Variants in VAV1 observed in about 807,000 individuals in gnomAD.
VAV1 encodes proto-oncogene vav.
In VAV1, 33 loss-of-function variants were observed where a neutral mutation model predicts 128.1. The observed-to-expected ratio is 0.26, with a 90% CI of 0.20 to 0.34. VAV1 has a LOEUF of 0.34. Among genes scored for constraint, VAV1 ranks in the 10% least tolerant of loss-of-function variants. The pLI, the probability that VAV1 is intolerant of heterozygous loss-of-function variation, is 1.00. For synonymous variants in VAV1, 394 were observed against 409.8 expected (o/e 0.96, Z 0.47); for missense variants, 715 against 1,093.7 (o/e 0.65, Z 4.88).
At chr19:6,830,133 A>G (rs1042378479) in intron 14 of VAV1, among the ~76,000 whole-genome samples, 1 of 152,192 alleles carries the variant, frequency 6.6e-6, no homozygotes, top group Non-Finnish European at 1.5e-5. Context: ...ATCTCGGCTC[A>G]CCGCAACCTC....
At chr19:6,798,215 T>TGCAGTGAGCGGAGATC (rs1358686263) in intron 1 of VAV1, among the ~76,000 whole-genome samples, 9 of 151,912 alleles carry the variant, frequency 5.9e-5, no homozygotes, top group African/African-American at 2.2e-4. Flanking sequence ...AGGCGGAGGT[T>TGCAGTGAGCGGAGATC]GCAGTGAGCG....
chr19:6,852,633 A>G (rs1347049521), intron 24 of VAV1, among the ~76,000 whole-genome samples: 1 of 151,916 alleles, frequency 6.6e-6, no homozygotes, highest in Non-Finnish European at 1.5e-5. Context: ...AGGCAGGAGA[A>G]TGGCATGAAC....
At chr19:6,821,915 A>C in intron 4 of VAV1, 56 bp downstream of exon 4, 1 of 1,608,194 alleles carries the variant, frequency 6.2e-7, no homozygotes, top group Non-Finnish European at 8.5e-7. Flanking sequence ...CTGGGGGTGG[A>C]GGGTGTGGGG....
rs1178364983 is a variant in VAV1, at chr19:6,828,224, A to G, written c.1023+53A>G. 2.7e-5 allele frequency: 44 copies of G among 1,603,486 alleles called. No homozygotes were observed. Among genetic ancestry groups the G allele is most frequent in the Non-Finnish European group, 3.7e-5 (43 of 1,172,144 alleles). ...TCCACGTACCTACTCTCCTGTGTCTATAAAAGTGGGGACGGGGCTGGCTTC... is the reference window on the plus strand; with the variant it reads ...TCCACGTACCTACTCTCCTGTGTCTGTAAAAGTGGGGACGGGGCTGGCTTC... On this transcript the variant is annotated intron_variant, in intron 10 of 26. Transcript: ENST00000602142. The surrounding 1 kb of genome is among the most constrained non-coding windows in gnomAD (Gnocchi z 4.5).
intron 1 of VAV1, among the ~76,000 whole-genome samples, chr19:6,798,340 G>T (rs949407744): frequency 1.3e-5 from 2 of 151,920 alleles, no homozygotes; most frequent in African/African-American, 2.4e-5. Flanking sequence ...TTTCAGAAAC[G>T]GTCTTGGCAG....
In VAV1 at chr19:6,784,048, A is replaced by G. The variant is rs1176876485; in HGVS notation, c.204+11037A>G. ...ACAGGAGGATTGCTTGAGGCTAGGAATTCGAGACCAGCCTGGGCAACATAC... is the reference window on the plus strand; with the variant it reads ...ACAGGAGGATTGCTTGAGGCTAGGAGTTCGAGACCAGCCTGGGCAACATAC... On this transcript the variant is annotated intron_variant, in intron 1 of 26. Coordinates refer to ENST00000602142, the MANE Select transcript of VAV1 (RefSeq NM_005428.4). The G allele has an allele frequency of 1.7e-5, 7 of 401,466 alleles. No individual in the cohort carries two copies. The Admixed American group carries it at 2.8e-4, about 16-fold the overall frequency. The allele number at this position is 401,466 out of a possible 1,614,324, so 24.9% of individuals were successfully genotyped here. A position where few individuals can be genotyped will look rare whatever the true frequency, so the allele number is the denominator to read the frequency against.
intron 1 of VAV1, among the ~76,000 whole-genome samples, chr19:6,818,792 A>G (rs1183241028): frequency 6.6e-6 from 1 of 152,114 alleles, no homozygotes; most frequent in East Asian, 1.9e-4. Context: ...GAGCCCTTAG[A>G]GGAACCTACA....
chr19:6,801,144 T>C (rs1278001176), intron 1 of VAV1, among the ~76,000 whole-genome samples: 1 of 152,220 alleles, frequency 6.6e-6, no homozygotes, highest in African/African-American at 2.4e-5. Context: ...GCTCTGTTTG[T>C]CTTGATCACC....
intron 22 of VAV1, among the ~76,000 whole-genome samples, chr19:6,846,474 G>C (rs1972525948): frequency 6.6e-6 from 1 of 151,242 alleles, no homozygotes; most frequent in Non-Finnish European, 1.5e-5. Flanking sequence ...TGTAATCCCA[G>C]CTACTCCAGA....
At chr19:6,837,658 T>C (rs754474771) in intron 21 of VAV1, among the ~76,000 whole-genome samples, 14 of 152,170 alleles carry the variant, frequency 9.2e-5, no homozygotes, top group South Asian at 2.1e-4. Context: ...ATGAGAATAA[T>C]GCAAAGAGCT....
At chr19:6,831,849 G>A (rs569029955) in intron 14 of VAV1, among the ~76,000 whole-genome samples, 12 of 140,954 alleles carry the variant, frequency 8.5e-5, no homozygotes, top group Admixed American at 7.7e-4. Context: ...CTTCTGCAAA[G>A]GGGAGTGTGT....
intron 21 of VAV1, among the ~76,000 whole-genome samples, chr19:6,840,715 C>G (rs555486952): frequency 6.6e-6 from 1 of 151,818 alleles, no homozygotes; most frequent in Non-Finnish European, 1.5e-5. Flanking sequence ...AGTGATCCTC[C>G]CACTTCAGCC....
chr19:6,836,223 C>A (rs1183172904), intron 19 of VAV1: 1 of 588,642 alleles, frequency 1.7e-6, no homozygotes, highest in Non-Finnish European at 2.9e-6. Context: ...AGAGTAGATA[C>A]AATGTTTAGC....
chr19:6,836,871 C>A, intron 20 of VAV1, 114 bp from the exon 21 acceptor site: 1 of 510,486 alleles, frequency 2.0e-6, no homozygotes, highest in South Asian at 1.9e-5. Context: ...CACACACACA[C>A]ACACACACGA....
chr19:6,793,757 T>C (rs1180470715), intron 1 of VAV1, among the ~76,000 whole-genome samples: 1 of 152,032 alleles, frequency 6.6e-6, no homozygotes, highest in Non-Finnish European at 1.5e-5. Flanking sequence ...AACATGGCAA[T>C]TAGCATCCAA....
chr19:6,803,817 G>A (rs746202527), intron 1 of VAV1, among the ~76,000 whole-genome samples: 4 of 152,206 alleles, frequency 2.6e-5, no homozygotes, highest in Middle Eastern at 3.4e-3. Flanking sequence ...CAGCCACGTC[G>A]GCCTCCCAAA....
chr19:6,783,808 A>C (rs1599618894), intron 1 of VAV1, among the ~76,000 whole-genome samples: 2 of 152,222 alleles, frequency 1.3e-5, no homozygotes, highest in South Asian at 4.1e-4. Flanking sequence ...ACATGGCTCC[A>C]TTTAACTACG....
At chr19:6,833,493 C>T (rs1435108400) in intron 16 of VAV1, 35 bp from the exon 17 acceptor site, 2 of 1,555,500 alleles carry the variant, frequency 1.3e-6, no homozygotes, top group Admixed American at 3.8e-5. Flanking sequence ...CTGTAAAGGT[C>T]ACTCGCTCTT....
At position 6,854,054 on chromosome 19, in the gene VAV1, A is replaced by G; in HGVS notation, c.2440A>G (p.Lys814Glu). 1 of 1,613,824 alleles carries G rather than the reference A, an allele frequency of 6.2e-7. No individual in the cohort carries two copies. The highest frequency in any genetic ancestry group is 8.5e-7 in the Non-Finnish European group (1 of 1,180,002). Residue 814 changes from lysine (K) to glutamate (E), a missense_variant, in exon 26 of 27, where the codon AAG (lysine) becomes GAG (glutamate). Lys to Glu is a moderately conservative substitution (Grantham distance 56, BLOSUM62 1). Transcript: ENST00000602142. Reference protein sequence around the residue: ...KEGDIIKILNKKGQQGWWRGE... With the variant: ...KEGDIIKILNEKGQQGWWRGE... ...GGGTGACATCATCAAGATCCTTAAC[A>G]AGAAGGGACAGCAAGGCTGGTGGCG...
Sources: gnomAD v4.1 joint callset for allele counts (sites outside exome capture counted in the v4.1 genomes callset) on GRCh38, gnomAD v4.1.1 for gene constraint, Gnocchi (gnomAD v3.1) non-coding constraint, MANE v1.5 for transcripts, NCBI Gene and HGNC (gene_info 2026-07-23, HGNC 2026-07-21) for gene names.